Variants in CNTN5 observed in about 807,000 individuals in gnomAD.
CNTN5 encodes the protein contactin-5.
CNTN5 carries 77 observed loss-of-function variants against 129.1 expected under a neutral mutation model. The ratio of observed to expected loss-of-function variants is 0.60; its 90% CI spans 0.50 to 0.72. The LOEUF is 0.72. Among genes scored for constraint, CNTN5 ranks in the 30% least tolerant of loss-of-function variants. The pLI is 0.00. For missense variants in CNTN5, 1,478 were observed against 1,328.8 expected, an observed-to-expected ratio of 1.11 and a Z score of -1.75; for synonymous variants, 509 against 465.6, an observed-to-expected ratio of 1.09 and a Z score of -1.20.
At chr11:99,218,178 GT>G (rs1359206872) in intron 1 of CNTN5, among the ~76,000 whole-genome samples, 1 of 152,028 alleles carries the variant, frequency 6.6e-6, no homozygotes. Context: ...TATTTTCGTA[GT>G]TCTATTTATA....
At chr11:99,786,704 A>G (rs960145003) in intron 3 of CNTN5, among the ~76,000 whole-genome samples, 5 of 152,200 alleles carry the variant, frequency 3.3e-5, no homozygotes, top group Non-Finnish European at 5.9e-5. Flanking sequence ...AACACTACAC[A>G]TCTACAACCA....
intron 1 of CNTN5, among the ~76,000 whole-genome samples, chr11:99,083,427 CTCA>C (rs1865886118): frequency 6.6e-6 from 1 of 152,156 alleles, no homozygotes. Context: ...TACCATTAAG[CTCA>C]TCTTGTTTAT....
intron 3 of CNTN5, among the ~76,000 whole-genome samples, chr11:99,695,099 C>T (rs923366683): frequency 6.6e-6 from 1 of 151,802 alleles, no homozygotes; most frequent in Non-Finnish European, 1.5e-5. Context: ...GCAGAAATCC[C>T]ACCAATTCAT....
At position 99,863,332 on chromosome 11, in the gene CNTN5, T is replaced by G. The variant is rs143383588; in HGVS notation, c.577+18070T>G. ...TGGTTAGTATAGTCGTAGGACACAA[T>G]GGAGTAGAGATTTTCAGGTAGGAGG... On this transcript the variant is annotated intron_variant, in intron 6 of 24. Transcript: ENST00000524871. Among the ~76,000 whole-genome samples the G allele has an allele frequency of 4.4e-3, 673 of 152,172 alleles. 4 individuals carry two copies. Among genetic ancestry groups the G allele is most frequent in the African/African-American group, 0.014 (566 of 41,538 alleles).
At chr11:99,434,590 G>T (rs1943528731) in intron 2 of CNTN5, among the ~76,000 whole-genome samples, 2 of 152,046 alleles carry the variant, frequency 1.3e-5, no homozygotes, top group Non-Finnish European at 2.9e-5. Context: ...AATAACATAC[G>T]GCAAGTTTAT....
chr11:99,240,519 C>T (rs564786448), intron 1 of CNTN5, among the ~76,000 whole-genome samples: 4 of 152,252 alleles, frequency 2.6e-5, no homozygotes, highest in Admixed American at 2.0e-4. Context: ...ACTGCCTACA[C>T]AGAGGGAACT....
At chr11:100,067,932 A>C (rs1943759152) in intron 10 of CNTN5, among the ~76,000 whole-genome samples, 1 of 152,098 alleles carries the variant, frequency 6.6e-6, no homozygotes, top group African/African-American at 2.4e-5. Flanking sequence ...TTTTGGAATC[A>C]GGACTCTAAA....
At chr11:99,117,625 C>T (rs1019974960) in intron 1 of CNTN5, among the ~76,000 whole-genome samples, 1 of 152,016 alleles carries the variant, frequency 6.6e-6, no homozygotes, top group Non-Finnish European at 1.5e-5. Context: ...AGGTAGAAGC[C>T]CTAACACCCA....
chr11:100,037,588 C>A (rs1452360904), intron 9 of CNTN5, among the ~76,000 whole-genome samples: 1 of 152,070 alleles, frequency 6.6e-6, no homozygotes, highest in African/African-American at 2.4e-5. Context: ...GCTGTGAATC[C>A]ATCTGGTCCT....
At chr11:100,353,675 T>C (rs1952464269) in intron 24 of CNTN5, among the ~76,000 whole-genome samples, 1 of 151,656 alleles carries the variant, frequency 6.6e-6, no homozygotes, top group Non-Finnish European at 1.5e-5. Flanking sequence ...GCTATGTGCT[T>C]CACAATAACC....
intron 7 of CNTN5, among the ~76,000 whole-genome samples, chr11:99,918,007 T>C (rs1992535): frequency 0.92 from 139,501 of 152,070 alleles, 64,029 homozygotes; most frequent in East Asian, 1. Flanking sequence ...TCAATTGCCA[T>C]ATTTACAAGC....
intron 23 of CNTN5, among the ~76,000 whole-genome samples, chr11:100,343,556 A>C (rs1010401714): frequency 2.0e-5 from 3 of 152,136 alleles, no homozygotes; most frequent in African/African-American, 7.2e-5. Context: ...GCCAAGGATG[A>C]AAGCTCCTCC....
intron 13 of CNTN5, among the ~76,000 whole-genome samples, chr11:100,188,769 T>C (rs4615992): frequency 1.3e-5 from 2 of 152,052 alleles, no homozygotes; most frequent in East Asian, 1.9e-4. Flanking sequence ...TCTACCAAAA[T>C]GAAATACTCA....
intron 13 of CNTN5, among the ~76,000 whole-genome samples, chr11:100,122,969 A>T (rs1946076279): frequency 1.3e-5 from 2 of 152,018 alleles, no homozygotes; most frequent in Admixed American, 6.6e-5. Flanking sequence ...TTTTGTAGAT[A>T]ATTTGACTGA....
chr11:99,766,255 A>G (rs1315450971), intron 3 of CNTN5, among the ~76,000 whole-genome samples: 1 of 152,072 alleles, frequency 6.6e-6, no homozygotes, highest in African/African-American at 2.4e-5. Context: ...ATTTATCTGT[A>G]GAATAAAACA....
intron 3 of CNTN5, among the ~76,000 whole-genome samples, chr11:99,681,889 T>C (rs2134719712): frequency 6.6e-6 from 1 of 152,114 alleles, no homozygotes; most frequent in African/African-American, 2.4e-5. Flanking sequence ...TAGAATCCTC[T>C]AGGAAAAGAG....
chr11:99,946,498 T>C (rs1027532311), intron 7 of CNTN5, among the ~76,000 whole-genome samples: 2 of 152,010 alleles, frequency 1.3e-5, no homozygotes, highest in Non-Finnish European at 2.9e-5. Flanking sequence ...TATCTTGGAA[T>C]TAGAAAAACT....
At chr11:99,180,871 A>C (rs970774151) in intron 1 of CNTN5, among the ~76,000 whole-genome samples, 1 of 152,242 alleles carries the variant, frequency 6.6e-6, no homozygotes. Context: ...TGATATACAC[A>C]TAAGATTCAA....
chr11:100,351,545 C>T (rs1952412154), intron 24 of CNTN5, among the ~76,000 whole-genome samples: 1 of 149,912 alleles, frequency 6.7e-6, no homozygotes, highest in Non-Finnish European at 1.5e-5. Context: ...TGATTGTCTC[C>T]AAAACCACAT....
Sources: allele counts gnomAD v4.1 joint callset (sites outside exome capture counted in the v4.1 genomes callset), GRCh38; gene constraint gnomAD v4.1.1; transcripts MANE v1.5; gene names NCBI Gene and HGNC (gene_info 2026-07-23, HGNC 2026-07-21).